ACOT7: variants seen among roughly 807,000 people sequenced by gnomAD.
ACOT7 encodes the protein cytosolic acyl coenzyme A thioester hydrolase.
A neutral mutation model predicts 40.2 loss-of-function variants in ACOT7; 12 were observed. The ratio of observed to expected loss-of-function variants is 0.30; its 90% CI spans 0.19 to 0.48. ACOT7 has a LOEUF of 0.48. Ranked by LOEUF, ACOT7 falls within the 20% of genes least tolerant of loss-of-function variation. ACOT7 has a pLI of 0.99. For missense variants in ACOT7, 395 were observed against 530.8 expected, an observed-to-expected ratio of 0.74 and a Z score of 2.51; for synonymous variants, 228 against 219.5, an observed-to-expected ratio of 1.04 and a Z score of -0.34.
intron 1 of ACOT7, among the ~76,000 whole-genome samples, chr1:6,365,067 T>C (rs923706779): frequency 2.5e-4 from 38 of 151,488 alleles, no homozygotes; most frequent in Admixed American, 2.0e-3. Context: ...CATGCAACCA[T>C]GTGGATGAAT....
intron 8 of ACOT7, among the ~76,000 whole-genome samples, chr1:6,268,964 C>G (rs1220241313): frequency 1.3e-5 from 2 of 152,142 alleles, no homozygotes; most frequent in African/African-American, 2.4e-5. Context: ...GCCCTCCCAC[C>G]CCTTTGCCCC....
At chr1:6,386,419 C>T (rs1301942400) in intron 1 of ACOT7, among the ~76,000 whole-genome samples, 2 of 152,176 alleles carry the variant, frequency 1.3e-5, no homozygotes, top group African/African-American at 4.8e-5. Flanking sequence ...CATCAAGCAG[C>T]CCCAAAACAG....
intron 2 of ACOT7, among the ~76,000 whole-genome samples, chr1:6,342,489 G>A (rs372845775): frequency 3.9e-5 from 6 of 152,308 alleles, no homozygotes; most frequent in African/African-American, 1.4e-4. Context: ...GGACCTTGCT[G>A]TGTTGCCCAG....
At chr1:6,368,527 C>A (rs568703929) in intron 1 of ACOT7, among the ~76,000 whole-genome samples, 1 of 152,282 alleles carries the variant, frequency 6.6e-6, no homozygotes, top group Non-Finnish European at 1.5e-5. Flanking sequence ...CACCTCCATG[C>A]CCAATCATGC....
At chr1:6,304,103 C>T (rs1258779473) in intron 6 of ACOT7, among the ~76,000 whole-genome samples, 1 of 152,158 alleles carries the variant, frequency 6.6e-6, no homozygotes, top group African/African-American at 2.4e-5. Flanking sequence ...GAGGCTGCGG[C>T]CTCAGCCTGG....
At chr1:6,302,424 G>C (rs1361428598) in intron 6 of ACOT7, among the ~76,000 whole-genome samples, 2 of 152,146 alleles carry the variant, frequency 1.3e-5, no homozygotes, top group Non-Finnish European at 2.9e-5. Flanking sequence ...GACAGCGAAG[G>C]CTCCCAGTCC....
At chr1:6,296,067 G>A (rs1439671979) in intron 6 of ACOT7, among the ~76,000 whole-genome samples, 1 of 152,026 alleles carries the variant, frequency 6.6e-6, no homozygotes, top group East Asian at 1.9e-4. Context: ...ACCACACCTG[G>A]CTAATATTGT....
chr1:6,359,948 C>CCCTT lies in ACOT7; in HGVS notation c.144-10086_144-10083dup, dbSNP rs1641851345. 6.6e-6 allele frequency among the ~76,000 whole-genome samples: 1 copy of CCCTT among 152,212 alleles called. No homozygotes were observed. Among genetic ancestry groups the CCCTT allele is most frequent in the African/African-American group, 2.4e-5 (1 of 41,460 alleles). On this transcript the variant is annotated intron_variant, in intron 1 of 8. Coordinates refer to ENST00000361521, the MANE Select transcript of ACOT7 (RefSeq NM_007274.4). This position sits in a 1 kb window ranked among gnomAD's most constrained non-coding sequence, Gnocchi z 4.1. ...CTGGAACAGCCGGCCCTTATCAAGGCCCTTATCAAACTGCCAGAGCCTGGG... is the reference window on the plus strand; with the variant it reads ...CTGGAACAGCCGGCCCTTATCAAGGCCCTTCCTTATCAAACTGCCAGAGCCTGGG...
intron 8 of ACOT7, among the ~76,000 whole-genome samples, chr1:6,268,233 A>G (rs1389925180): frequency 1.3e-5 from 2 of 152,166 alleles, no homozygotes; most frequent in East Asian, 3.8e-4. Context: ...AACGGCATGT[A>G]ATTACATCTC....
intron 4 of ACOT7, among the ~76,000 whole-genome samples, chr1:6,331,813 G>A (rs1640960890): frequency 6.6e-6 from 1 of 152,160 alleles, no homozygotes; most frequent in Admixed American, 6.5e-5. Context: ...CACCTGGGGA[G>A]ACACCCCACC....
Position 6,355,899 on chromosome 1 carries a change from CT to C in ACOT7, c.144-6034del, listed in dbSNP as rs1641730399. ...CAGGGAGGGGAGCCGCTCCTGCCCCCTGGCCTCACCTTGAGGGCTGGCCATG... is the reference window on the plus strand; with the variant it reads ...CAGGGAGGGGAGCCGCTCCTGCCCCCGGCCTCACCTTGAGGGCTGGCCATG... On this transcript the variant is annotated intron_variant, in intron 1 of 8. Transcript: ENST00000361521. The surrounding 1 kb of genome is among the most constrained non-coding windows in gnomAD (Gnocchi z 5.0). 6.6e-6 allele frequency among the ~76,000 whole-genome samples: 1 copy of C among 152,124 alleles called. No individual in the cohort carries two copies. The highest frequency in any genetic ancestry group is 1.5e-5 in the Non-Finnish European group (1 of 68,006).
chr1:6,349,429 C>T (rs562932189), intron 2 of ACOT7, among the ~76,000 whole-genome samples: 1 of 152,334 alleles, frequency 6.6e-6, no homozygotes, highest in East Asian at 1.9e-4. Context: ...ATAAACTCCA[C>T]CCCACGGAGG....
At chr1:6,321,608 G>A (rs999983640) in intron 5 of ACOT7, among the ~76,000 whole-genome samples, 3 of 152,156 alleles carry the variant, frequency 2.0e-5, no homozygotes, top group African/African-American at 7.2e-5. Flanking sequence ...TCTGCGTCCC[G>A]GGTTCACGCC....
intron 6 of ACOT7, among the ~76,000 whole-genome samples, chr1:6,312,934 G>T (rs1213684579): frequency 6.6e-6 from 1 of 152,118 alleles, no homozygotes; most frequent in Non-Finnish European, 1.5e-5. Context: ...GCCTGGGAAG[G>T]GTGGCCTAGA....
chr1:6,264,281 G>T lies in ACOT7; in HGVS notation c.*316C>A. ...ACCCAGGACACGTGGGTCCAGCCAA[G>T]CAGCAGCTTTATTAGTGGTGCTGGG... On this transcript the variant is annotated 3_prime_UTR_variant, in exon 9 of 9. Coordinates refer to ENST00000361521, the MANE Select transcript of ACOT7 (RefSeq NM_007274.4). The T allele has an allele frequency of 3.2e-6, 1 of 309,652 alleles. No homozygotes were observed. The highest frequency in any genetic ancestry group is 5.9e-6 in the Non-Finnish European group (1 of 169,834). 19.2% of individuals were successfully genotyped at this position (309,652 alleles called of 1,614,324 possible).
At chr1:6,344,225 G>A (rs1046742497) in intron 2 of ACOT7, among the ~76,000 whole-genome samples, 6 of 152,156 alleles carry the variant, frequency 3.9e-5, no homozygotes, top group Non-Finnish European at 8.8e-5. Flanking sequence ...AGGATGTGAG[G>A]GGCAGGTCCA....
intron 5 of ACOT7, among the ~76,000 whole-genome samples, chr1:6,324,596 A>G (rs1640747978): frequency 1.3e-5 from 2 of 152,194 alleles, no homozygotes; most frequent in Admixed American, 6.5e-5. Flanking sequence ...GAGTCAGCCC[A>G]GCAGTGCTGC....
intron 3 of ACOT7, 143 bp from the exon 4 acceptor site, chr1:6,333,711 A>G (rs1031964605): frequency 2.1e-5 from 16 of 768,356 alleles, no homozygotes; most frequent in Non-Finnish European, 3.1e-5. Context: ...CTGGCCCCCA[A>G]CCCCCAAGCC....
In ACOT7 at chr1:6,355,942, G is replaced by A. The variant is rs1261840302; in HGVS notation, c.144-6076C>T. Among the ~76,000 whole-genome samples, 1 of 152,194 alleles carries A rather than the reference G, an allele frequency of 6.6e-6. No individual in the cohort carries two copies. The highest frequency in any genetic ancestry group is 6.5e-5 in the Admixed American group (1 of 15,282). On this transcript the variant is annotated intron_variant, in intron 1 of 8. Transcript: ENST00000361521. This position sits in a 1 kb window ranked among gnomAD's most constrained non-coding sequence, Gnocchi z 5.0. ...CTGGCCATGCCTCCTGTGCCCTGGG[G>A]TCCTCTCAAGGTGGAGTCCCACCTA...
Sources: allele counts gnomAD v4.1 joint callset (sites outside exome capture counted in the v4.1 genomes callset), GRCh38; gene constraint gnomAD v4.1.1; non-coding constraint Gnocchi (gnomAD v3.1); transcripts MANE v1.5; gene names NCBI Gene and HGNC (gene_info 2026-07-23, HGNC 2026-07-21).